ROBO2: variants seen among roughly 807,000 people sequenced by gnomAD.
ROBO2 encodes roundabout homolog 2.
A neutral mutation model predicts 160.8 loss-of-function variants in ROBO2; 53 were observed. The ratio of observed to expected loss-of-function variants is 0.33; its 90% CI spans 0.26 to 0.41. The LOEUF (loss-of-function observed/expected upper bound fraction) is 0.41. ROBO2 is among the 10% of genes least tolerant of loss of function. The pLI, the probability that ROBO2 is intolerant of heterozygous loss-of-function variation, is 1.00. For missense variants in ROBO2, 1,577 were observed against 1,722.4 expected, an observed-to-expected ratio of 0.92 and a Z score of 1.49; for synonymous variants, 664 against 611.7, an observed-to-expected ratio of 1.09 and a Z score of -1.26.
intron 2 of ROBO2, among the ~76,000 whole-genome samples, chr3:76,374,672 G>A (rs1470353304): frequency 6.6e-6 from 1 of 151,966 alleles, no homozygotes; most frequent in African/African-American, 2.4e-5. Flanking sequence ...CTTAGCCTCT[G>A]TCTACCTGGG....
intron 2 of ROBO2, among the ~76,000 whole-genome samples, chr3:77,294,103 C>T (rs1376141977): frequency 1.8e-4 from 25 of 137,068 alleles, no homozygotes; most frequent in East Asian, 4.2e-4. Flanking sequence ...GATGGTTAAA[C>T]GGGTAAGCTG....
At chr3:76,846,395 C>T (rs908498274) in intron 2 of ROBO2, among the ~76,000 whole-genome samples, 1 of 152,038 alleles carries the variant, frequency 6.6e-6, no homozygotes, top group African/African-American at 2.4e-5. Flanking sequence ...AAAGGTATTC[C>T]TACCATTGGT....
chr3:76,824,480 T>C (rs1035260788), intron 2 of ROBO2, among the ~76,000 whole-genome samples: 1 of 152,160 alleles, frequency 6.6e-6, no homozygotes, highest in African/African-American at 2.4e-5. Flanking sequence ...CTTTCACATC[T>C]TCCTATTTCA....
At chr3:77,632,154 T>C (rs2153713689) in intron 23 of ROBO2, 1 of 177,704 alleles carries the variant, frequency 5.6e-6, no homozygotes, top group East Asian at 1.4e-4. Flanking sequence ...AGTGTTAATT[T>C]CTGAATTATA....
Position 76,109,375 on chromosome 3 carries a change from T to A in ROBO2, c.109+171773T>A, listed in dbSNP as rs181854042. 8.0e-4 allele frequency among the ~76,000 whole-genome samples: 121 copies of A among 152,066 alleles called. 2 individuals are homozygous for A. The East Asian group carries it at 0.022, about 28-fold the overall frequency. On this transcript the variant is annotated intron_variant, in intron 2 of 26. Coordinates refer to the ROBO2 transcript ENST00000487694. ...AATCATGGCAGTATGGGTTTGAAAA[T>A]TTAGAAGGGTAGAGAAACGCAAGAT...
intron 2 of ROBO2, among the ~76,000 whole-genome samples, chr3:76,822,288 A>G (rs1159832665): frequency 2.0e-5 from 3 of 152,022 alleles, no homozygotes; most frequent in Non-Finnish European, 4.4e-5. Context: ...CCTGGTTCCT[A>G]GTACACAGTG....
At chr3:75,952,153 C>T (rs1258257505) in intron 2 of ROBO2, among the ~76,000 whole-genome samples, 1 of 151,890 alleles carries the variant, frequency 6.6e-6, no homozygotes, top group Non-Finnish European at 1.5e-5. Context: ...ACTCACAATG[C>T]TGTCATGACA....
chr3:77,599,113 A>G (rs1054158297), intron 19 of ROBO2, among the ~76,000 whole-genome samples: 1 of 152,142 alleles, frequency 6.6e-6, no homozygotes, highest in South Asian at 2.1e-4. Context: ...GGCCAAGACA[A>G]CGTTTTTGTA....
intron 2 of ROBO2, among the ~76,000 whole-genome samples, chr3:76,282,969 CTTTAT>C (rs952992322): frequency 1.9e-4 from 28 of 148,314 alleles, no homozygotes; most frequent in Non-Finnish European, 2.7e-4. Context: ...GATATTTTTT[CTTTAT>C]TTTATTTTAT....
At chr3:77,610,651 A>C (rs369139611) in intron 21 of ROBO2, among the ~76,000 whole-genome samples, 42 of 148,272 alleles carry the variant, frequency 2.8e-4, no homozygotes, top group East Asian at 1.9e-3. Flanking sequence ...GTCTAGCATT[A>C]GAATAGATTG....
At chr3:75,907,249 A>C (rs1946387399) in intron 1 of ROBO2, among the ~76,000 whole-genome samples, 1 of 152,158 alleles carries the variant, frequency 6.6e-6, no homozygotes, top group African/African-American at 2.4e-5. Context: ...TAAGACGGAA[A>C]TTTGGTTTCC....
At chr3:77,164,679 G>A (rs1243378745) in intron 2 of ROBO2, among the ~76,000 whole-genome samples, 2 of 112,546 alleles carry the variant, frequency 1.8e-5, no homozygotes, top group East Asian at 2.7e-4. Flanking sequence ...TCAGCCCCCC[G>A]CCTGGCCAGC....
chr3:76,145,657 AC>A (rs1238476583), intron 2 of ROBO2, among the ~76,000 whole-genome samples: 1 of 152,026 alleles, frequency 6.6e-6, no homozygotes, highest in African/African-American at 2.4e-5. Context: ...ACAGAAATTT[AC>A]TTATGTATAA....
chr3:76,747,788 T>A (rs2108164845), intron 2 of ROBO2, among the ~76,000 whole-genome samples: 1 of 152,136 alleles, frequency 6.6e-6, no homozygotes, highest in East Asian at 1.9e-4. Context: ...ATCTTATCTG[T>A]ATGTATTTAA....
At chr3:76,315,107 A>G (rs1559750693) in intron 2 of ROBO2, among the ~76,000 whole-genome samples, 2 of 152,156 alleles carry the variant, frequency 1.3e-5, no homozygotes, top group African/African-American at 2.4e-5. Context: ...CTGAGCAACC[A>G]CTGATCAAAC....
intron 1 of ROBO2, among the ~76,000 whole-genome samples, chr3:77,072,080 A>T (rs1373924276): frequency 1.3e-5 from 2 of 152,108 alleles, no homozygotes; most frequent in Non-Finnish European, 2.9e-5. Context: ...GCTCCGTCTC[A>T]TGCCAGATCA....
intron 2 of ROBO2, among the ~76,000 whole-genome samples, chr3:76,463,857 C>T (rs913512426): frequency 6.6e-6 from 1 of 152,168 alleles, no homozygotes; most frequent in African/African-American, 2.4e-5. Flanking sequence ...CCATGTCCCA[C>T]AGAGCAAACA....
intron 21 of ROBO2, among the ~76,000 whole-genome samples, chr3:77,616,462 C>T (rs756030220): frequency 3.3e-5 from 5 of 151,460 alleles, no homozygotes; most frequent in African/African-American, 4.9e-5. Flanking sequence ...TTCTGTTGCA[C>T]GTGTTTAACA....
intron 2 of ROBO2, among the ~76,000 whole-genome samples, chr3:77,125,242 G>A (rs113302058): frequency 0.025 from 3,877 of 152,124 alleles, 158 homozygotes; most frequent in African/African-American, 0.087. Context: ...TCTGCACCAC[G>A]CCAATCACAG....
Sources: gnomAD v4.1 joint callset for allele counts (sites outside exome capture counted in the v4.1 genomes callset) on GRCh38, gnomAD v4.1.1 for gene constraint, MANE v1.5 for transcripts, NCBI Gene and HGNC (gene_info 2026-07-23, HGNC 2026-07-21) for gene names.